WDR27: variants seen among roughly 807,000 people sequenced by gnomAD.
WDR27 encodes WD repeat-containing protein 27.
In WDR27, 100 loss-of-function variants were observed where a neutral mutation model predicts 114.4. The ratio of observed to expected loss-of-function variants is 0.87; its 90% CI spans 0.74 to 1.03. The LOEUF is 1.03. Ranked by LOEUF, WDR27 falls within the 50% of genes least tolerant of loss-of-function variation. The pLI is 0.00. For missense variants in WDR27, 1,129 were observed against 1,092.9 expected (o/e 1.03, Z -0.47); for synonymous variants, 449 against 423.1 (o/e 1.06, Z -0.75).
In WDR27 at chr6:169,638,599, C is replaced by T. The variant is rs200752658; in HGVS notation, c.1809G>A (p.Ala603=). The change falls in exon 18 of 26, where the codon GCG becomes GCA. Residue 603 remains alanine, a synonymous_variant. Coordinates refer to ENST00000448612, the MANE Select transcript of WDR27 (RefSeq NM_182552.5). ...WSQDRRWLLS[A]ARDGTLRMWS... ...ACATTCGCAGGGTCCCGTCCCGGGC[C>T]GCAGAGAGCAGCCACCTCCGGTCCT... 47 of 1,609,044 alleles carry T rather than the reference C, an allele frequency of 2.9e-5. No individual in the cohort carries two copies. Among genetic ancestry groups the T allele is most frequent in the Middle Eastern group, 1.7e-4 (1 of 5,976 alleles).
chr6:169,470,526 A>G (rs995240267), intron 25 of WDR27, among the ~76,000 whole-genome samples: 1 of 152,244 alleles, frequency 6.6e-6, no homozygotes, highest in Non-Finnish European at 1.5e-5. Context: ...TTCTGGAGCT[A>G]GAAGTCTGAG....
At chr6:169,461,914 T>G (rs1784955187) in intron 25 of WDR27, among the ~76,000 whole-genome samples, 1 of 151,920 alleles carries the variant, frequency 6.6e-6, no homozygotes, top group South Asian at 2.1e-4. Context: ...TATAAGTGAG[T>G]AATTTGAGTA....
rs763357790 is a variant in WDR27 at position 169,633,082 on chromosome 6, G to T, written c.2102-14C>A. On this transcript the variant is annotated splice_polypyrimidine_tract_variant and intron_variant, in intron 20 of 25. Coordinates refer to ENST00000448612, the MANE Select transcript of WDR27 (RefSeq NM_182552.5). The stretch of plus-strand genomic sequence containing the variant: ...CGAGTACGATGTCTGCGATAATCCA[G>T]TTAGGGAGCTCTTCTCAACACTCTT... 1.0e-5 allele frequency: 16 copies of T among 1,572,340 alleles called. No individual in the cohort carries two copies. In the South Asian group the frequency reaches 1.8e-4, roughly 18 times the overall value.
the WDR27 span, among the ~76,000 whole-genome samples, chr6:169,427,440 G>GC: frequency 0.42 from 64,092 of 151,936 alleles, 16,201 homozygotes; most frequent in Non-Finnish European, 0.58. Context: ...AGGACCGTGG[G>GC]CCCCCCATCT....
intron 14 of WDR27, among the ~76,000 whole-genome samples, chr6:169,650,982 C>T (rs2128242715): frequency 6.6e-6 from 1 of 152,094 alleles, no homozygotes; most frequent in South Asian, 2.1e-4. Context: ...AGCCAGAGAA[C>T]AAGCAGAGCA....
At chr6:169,694,756 GTGC>G (rs757185084) in intron 1 of WDR27, among the ~76,000 whole-genome samples, 14 of 152,320 alleles carry the variant, frequency 9.2e-5, no homozygotes, top group South Asian at 6.2e-4. Flanking sequence ...ACCTGTCTAG[GTGC>G]TGCTCATTGT....
chr6:169,523,494 A>G (rs902759015), intron 25 of WDR27, among the ~76,000 whole-genome samples: 8 of 152,128 alleles, frequency 5.3e-5, no homozygotes, highest in Non-Finnish European at 8.8e-5. Flanking sequence ...CAAAAAAGAA[A>G]ACTACAGGCT....
intron 3 of WDR27, chr6:169,671,857 C>G (rs956390513): frequency 6.4e-6 from 1 of 156,602 alleles, no homozygotes; most frequent in Non-Finnish European, 1.4e-5. Context: ...CCAAGCCCTT[C>G]CTATTCACCA....
chr6:169,591,897 A>G (rs1287154538), intron 23 of WDR27, among the ~76,000 whole-genome samples: 1 of 151,222 alleles, frequency 6.6e-6, no homozygotes, highest in Non-Finnish European at 1.5e-5. Context: ...TCATCTTGTA[A>G]GTCTTCTGCC....
chr6:169,499,398 C>CTG (rs1790832843), intron 25 of WDR27, among the ~76,000 whole-genome samples: 1 of 152,246 alleles, frequency 6.6e-6, no homozygotes, highest in African/African-American at 2.4e-5. Flanking sequence ...ACTCCATGCA[C>CTG]TTGCCCCAGC....
intron 25 of WDR27, among the ~76,000 whole-genome samples, chr6:169,518,998 G>A (rs1412194137): frequency 6.6e-6 from 1 of 152,184 alleles, no homozygotes; most frequent in Non-Finnish European, 1.5e-5. Context: ...AGTCCCTAGG[G>A]CACAAACAGA....
At chr6:169,624,810 C>G (rs529213504) in intron 21 of WDR27, among the ~76,000 whole-genome samples, 11 of 152,214 alleles carry the variant, frequency 7.2e-5, no homozygotes, top group African/African-American at 2.4e-4. Context: ...CCATGCAACC[C>G]CATGGGATGA....
chr6:169,586,398 C>T (rs1158010299), intron 23 of WDR27, among the ~76,000 whole-genome samples: 1 of 151,730 alleles, frequency 6.6e-6, no homozygotes, highest in Non-Finnish European at 1.5e-5. Flanking sequence ...TCAAAGTTAT[C>T]TTCCATAGCA....
intron 25 of WDR27, among the ~76,000 whole-genome samples, chr6:169,504,445 A>G (rs894430943): frequency 6.6e-6 from 1 of 152,172 alleles, no homozygotes; most frequent in African/African-American, 2.4e-5. Context: ...AATGGCTGCC[A>G]CCATGTAAGA....
chr6:169,500,863 C>T (rs1015958860), intron 25 of WDR27, among the ~76,000 whole-genome samples: 2 of 152,214 alleles, frequency 1.3e-5, no homozygotes, highest in African/African-American at 2.4e-5. Context: ...ACGCGAGCTG[C>T]GCTAGCCCAG....
At chr6:169,450,892 C>T in the WDR27 span, among the ~76,000 whole-genome samples, 3 of 152,140 alleles carry the variant, frequency 2.0e-5, no homozygotes, top group Admixed American at 1.3e-4. Flanking sequence ...TGAGTGCTTC[C>T]GCCTGCTGTG....
At chr6:169,465,598 G>A (rs1307939001) in intron 25 of WDR27, among the ~76,000 whole-genome samples, 1 of 152,170 alleles carries the variant, frequency 6.6e-6, no homozygotes, top group Non-Finnish European at 1.5e-5. Flanking sequence ...CTACACTTAT[G>A]TTTATAGCAG....
intron 25 of WDR27, among the ~76,000 whole-genome samples, chr6:169,554,012 T>A (rs1288129998): frequency 1.3e-5 from 2 of 152,248 alleles, no homozygotes; most frequent in African/African-American, 4.8e-5. Context: ...TGTAATCTTT[T>A]AAGTCACTTT....
At position 169,638,322 on chromosome 6, in the gene WDR27, CAAAAAAAAAAAAAAA is replaced by C. The variant is rs60501000; in HGVS notation, c.1869+202_1869+216del. Among the ~76,000 whole-genome samples the C allele has an allele frequency of 1.5e-3, 17 of 11,062 alleles. 3 individuals carry two copies. The highest frequency in any genetic ancestry group is 3.1e-3 in the Non-Finnish European group (13 of 4,136). 7.3% of individuals were successfully genotyped at this position (11,062 alleles called of 152,430 possible). A position where few individuals can be genotyped will look rare whatever the true frequency, so the allele number is the denominator to read the frequency against. On this transcript the variant is annotated intron_variant, in intron 18 of 25. Coordinates refer to ENST00000448612, the MANE Select transcript of WDR27 (RefSeq NM_182552.5). Reference sequence around the variant, plus strand: ...TGGGCGACAGAGCGAGACTCCGTCTCAAAAAAAAAAAAAAAAAAAAAAAAAAAAAGAAACTAATCA... The same window carrying C: ...TGGGCGACAGAGCGAGACTCCGTCTCAAAAAAAAAAAAAAGAAACTAATCA...
Sources: gnomAD v4.1 joint callset for allele counts (sites outside exome capture counted in the v4.1 genomes callset) on GRCh38, gnomAD v4.1.1 for gene constraint, MANE v1.5 for transcripts, NCBI Gene and HGNC (gene_info 2026-07-23, HGNC 2026-07-21) for gene names.